Variants in MAP2K6 observed in about 807,000 individuals in gnomAD.
MAP2K6 encodes the protein mitogen-activated protein kinase kinase 6.
Under a neutral mutation model 53.7 loss-of-function variants are expected in MAP2K6, and 16 were observed. That is an observed-to-expected ratio of 0.30 (90% CI 0.20 to 0.45). The LOEUF is 0.45. Ranked by LOEUF, MAP2K6 falls within the 20% of genes least tolerant of loss-of-function variation. The pLI, the probability that MAP2K6 is intolerant of heterozygous loss-of-function variation, is 1.00. For synonymous variants in MAP2K6, 132 were observed against 143.1 expected (o/e 0.92, Z 0.55); for missense variants, 204 against 411.9 (o/e 0.50, Z 4.37).
intron 1 of MAP2K6, among the ~76,000 whole-genome samples, chr17:69,429,104 T>G (rs991143675): frequency 6.6e-6 from 1 of 151,916 alleles, no homozygotes; most frequent in Non-Finnish European, 1.5e-5. Context: ...TCCTTCCCAT[T>G]GTAACAAATG....
chr17:69,476,493 T>G (rs1439114562), intron 1 of MAP2K6, among the ~76,000 whole-genome samples: 1 of 152,196 alleles, frequency 6.6e-6, no homozygotes, highest in Non-Finnish European at 1.5e-5. Context: ...ATGAGAAAAC[T>G]CATGGAGTCC....
intron 2 of MAP2K6, among the ~76,000 whole-genome samples, chr17:69,512,628 C>T (rs747653009): frequency 3.9e-5 from 6 of 152,042 alleles, no homozygotes; most frequent in Non-Finnish European, 5.9e-5. Context: ...TGAGCCACTG[C>T]GCCCGGCCTG....
intron 1 of MAP2K6, among the ~76,000 whole-genome samples, chr17:69,436,566 A>G (rs1259685064): frequency 1.3e-5 from 2 of 152,172 alleles, no homozygotes; most frequent in Admixed American, 6.5e-5. Flanking sequence ...TTTTATCAGT[A>G]TCCAGGGCGA....
intron 10 of MAP2K6, among the ~76,000 whole-genome samples, chr17:69,534,077 G>A (rs947483041): frequency 3.9e-5 from 6 of 152,158 alleles, no homozygotes. Context: ...ATTACAGGAT[G>A]CTTAGCAACA....
At chr17:69,489,220 CAAAAAAAAAA>C (rs58968517) in intron 1 of MAP2K6, among the ~76,000 whole-genome samples, 2 of 62,646 alleles carry the variant, frequency 3.2e-5, no homozygotes, top group Non-Finnish European at 6.1e-5. Context: ...AACTCTGTCT[CAAAAAAAAAA>C]AAAAAAAAAG....
chr17:69,457,092 T>A (rs1907438517), intron 1 of MAP2K6, among the ~76,000 whole-genome samples: 1 of 152,206 alleles, frequency 6.6e-6, no homozygotes, highest in Non-Finnish European at 1.5e-5. Flanking sequence ...TCAAATGTCT[T>A]CTCTGTGAGA....
intron 1 of MAP2K6, among the ~76,000 whole-genome samples, chr17:69,460,016 A>T (rs375140929): frequency 2.7e-3 from 162 of 61,120 alleles, no homozygotes; most frequent in Admixed American, 7.3e-3. Context: ...TTTCCTTTTT[A>T]CCCTCCTTCT....
At chr17:69,418,132 G>T (rs1429151917) in intron 1 of MAP2K6, among the ~76,000 whole-genome samples, 1 of 152,136 alleles carries the variant, frequency 6.6e-6, no homozygotes, top group Non-Finnish European at 1.5e-5. Flanking sequence ...GTCATGCTTA[G>T]CCTGTAATCT....
chr17:69,536,124 G>A lies in MAP2K6; in HGVS notation c.891G>A (p.Lys297=). The A allele has an allele frequency of 6.2e-7, 1 of 1,607,496 alleles. No individual in the cohort carries two copies. Among genetic ancestry groups the A allele is most frequent in the Non-Finnish European group, 8.5e-7 (1 of 1,175,154 alleles). The change falls in exon 11 of 12, where the codon AAG becomes AAA. Residue 297 remains lysine (K), a synonymous_variant. Coordinates refer to ENST00000590474, the MANE Select transcript of MAP2K6 (RefSeq NM_002758.4). ...TTTTTTTTTCTTTAAGCTTAAAGAAGAATTCCAAAGAACGGCCTACATACC... is the reference window on the plus strand; with the variant it reads ...TTTTTTTTTCTTTAAGCTTAAAGAAAAATTCCAAAGAACGGCCTACATACC... The part of the protein sequence containing the change: ...FVDFTSQCLK[K]NSKERPTYPE...
chr17:69,458,140 G>A (rs1390035386), intron 1 of MAP2K6, among the ~76,000 whole-genome samples: 1 of 152,002 alleles, frequency 6.6e-6, no homozygotes, highest in Non-Finnish European at 1.5e-5. Context: ...TGCAACCTCC[G>A]CCTTCTGGGT....
chr17:69,512,328 GTTTTTTTTTTGTTTTTTT>G (rs1457707285), intron 2 of MAP2K6, among the ~76,000 whole-genome samples: 1 of 75,184 alleles, frequency 1.3e-5, no homozygotes, highest in Non-Finnish European at 2.6e-5. Flanking sequence ...CTTTCTAAGT[GTTTTTTTTTTGTTTTTTT>G]TTTTTTTTTT....
At chr17:69,447,852 G>A (rs547671350) in intron 1 of MAP2K6, among the ~76,000 whole-genome samples, 4 of 152,314 alleles carry the variant, frequency 2.6e-5, no homozygotes, top group Admixed American at 1.3e-4. Context: ...TATTCCTAGC[G>A]GGGAGCCTGT....
At chr17:69,451,344 C>T (rs774574432) in intron 1 of MAP2K6, among the ~76,000 whole-genome samples, 3 of 152,308 alleles carry the variant, frequency 2.0e-5, no homozygotes, top group East Asian at 1.9e-4. Context: ...TCTCTCCCCA[C>T]CCCACAAACC....
intron 10 of MAP2K6, among the ~76,000 whole-genome samples, chr17:69,529,504 A>ATTT (rs10566943): frequency 3.1e-5 from 3 of 98,356 alleles, no homozygotes; most frequent in Admixed American, 1.2e-4. Flanking sequence ...ATGGTTTTTA[A>ATTT]TTTTTTTTTT....
At chr17:69,450,971 A>T (rs1440114977) in intron 1 of MAP2K6, among the ~76,000 whole-genome samples, 2 of 152,040 alleles carry the variant, frequency 1.3e-5, no homozygotes, top group Non-Finnish European at 2.9e-5. Context: ...TATGGAAGAG[A>T]TTTTATGTGA....
At chr17:69,509,639 T>C (rs536810447) in intron 2 of MAP2K6, among the ~76,000 whole-genome samples, 10 of 152,278 alleles carry the variant, frequency 6.6e-5, no homozygotes, top group African/African-American at 2.4e-4. Context: ...CTTATTGAAG[T>C]GGCAAGAATG....
intron 1 of MAP2K6, among the ~76,000 whole-genome samples, chr17:69,431,711 TTTCTCTGAGGGTC>T (rs926959859): frequency 1.6e-4 from 25 of 152,156 alleles, no homozygotes; most frequent in African/African-American, 6.0e-4. Context: ...TCATTCGGCT[TTTCTCTGAGGGTC>T]TTCTCTGCTT....
intron 2 of MAP2K6, among the ~76,000 whole-genome samples, chr17:69,510,117 A>T (rs1909739482): frequency 6.6e-6 from 1 of 152,180 alleles, no homozygotes; most frequent in African/African-American, 2.4e-5. Context: ...AAGTGCTGGG[A>T]TTACAGGCGC....
At chr17:69,451,912 C>T (rs1194287481) in intron 1 of MAP2K6, among the ~76,000 whole-genome samples, 1 of 152,112 alleles carries the variant, frequency 6.6e-6, no homozygotes. Flanking sequence ...ATGCACTGCA[C>T]ACCGCTGGCA....
Sources: gnomAD v4.1 joint callset for allele counts (sites outside exome capture counted in the v4.1 genomes callset) on GRCh38, gnomAD v4.1.1 for gene constraint, MANE v1.5 for transcripts, NCBI Gene and HGNC (gene_info 2026-07-23, HGNC 2026-07-21) for gene names.